MS4A4E: variants seen among roughly 807,000 people sequenced by gnomAD.
The protein encoded by MS4A4E is membrane spanning 4-domains A4E.
A neutral mutation model predicts 13.3 loss-of-function variants in MS4A4E; 23 were observed. The observed-to-expected ratio is 1.73, with a 90% CI of 1.25 to 2.45. The LOEUF is 2.45. Ranked by LOEUF, MS4A4E falls within the 30% of genes most tolerant of loss-of-function variation. The probability of loss-of-function intolerance (pLI) is 0.00; values close to 1 mark genes in which losing one functional copy is unlikely to be tolerated. For synonymous variants in MS4A4E, 36 were observed against 45.6 expected, an observed-to-expected ratio of 0.79 and a Z score of 0.85; for missense variants, 144 against 131.2, an observed-to-expected ratio of 1.10 and a Z score of -0.48.
At chr11:60,210,138 A>T (rs2084101192) in intron 5 of MS4A4E, among the ~76,000 whole-genome samples, 1 of 152,266 alleles carries the variant, frequency 6.6e-6, no homozygotes, top group African/African-American at 2.4e-5. Context: ...ATTATAACAC[A>T]AAAGCAGCAA....
Position 60,214,556 on chromosome 11 carries a change from C to G in MS4A4E, c.222+15G>C. 1 of 1,503,052 alleles carries G rather than the reference C, an allele frequency of 6.7e-7. No homozygotes were observed. Among genetic ancestry groups the G allele is most frequent in the Non-Finnish European group, 8.9e-7 (1 of 1,125,884 alleles). The allele number at this position is 1,503,052 out of a possible 1,614,324, so 93.1% of individuals were successfully genotyped here. On this transcript the variant is annotated intron_variant, in intron 4 of 8. Coordinates refer to ENST00000651255, the MANE Select transcript of MS4A4E (RefSeq NM_001393391.1). Reference sequence around the variant, plus strand: ...AATCCTTTCCTTTTGATACCCCCCACAAAACATTACTCACCAGACCTTTTG... The same window carrying G: ...AATCCTTTCCTTTTGATACCCCCCAGAAAACATTACTCACCAGACCTTTTG...
chr11:60,235,521 C>T (rs934358427), intron 1 of MS4A4E, among the ~76,000 whole-genome samples: 3 of 152,170 alleles, frequency 2.0e-5, no homozygotes, highest in Non-Finnish European at 2.9e-5. Flanking sequence ...TCTTGATTAG[C>T]GACTACTTGT....
chr11:60,217,517 C>T (rs557231696), intron 3 of MS4A4E, among the ~76,000 whole-genome samples: 1 of 152,282 alleles, frequency 6.6e-6, no homozygotes, highest in African/African-American at 2.4e-5. Context: ...AGGAGATAAA[C>T]CCTGCGCTGC....
At chr11:60,201,917 A>G (rs1685180783) in intron 8 of MS4A4E, 38 bp from the exon 9 acceptor site, 1 of 165,668 alleles carries the variant, frequency 6.0e-6, no homozygotes, top group Non-Finnish European at 1.3e-5. Context: ...TCCCAAGTAT[A>G]CTGACTCTAC....
At chr11:60,212,254 TATAAA>T (rs2084131951) in intron 5 of MS4A4E, among the ~76,000 whole-genome samples, 1 of 151,886 alleles carries the variant, frequency 6.6e-6, no homozygotes. Flanking sequence ...AGTTACCACT[TATAAA>T]ATACTGTTCA....
rs545575820 is a variant in MS4A4E, at chr11:60,222,573, G to A, written c.178+6021C>T. On this transcript the variant is annotated intron_variant, in intron 3 of 8. Transcript: ENST00000651255. ...GTTTCTGCTATAGCCAAGATTTGTG[G>A]GTCCAGAAATCAAGGGGTATAAGTG... Among the ~76,000 whole-genome samples the A allele has an allele frequency of 1.6e-4, 25 of 152,152 alleles. 1 individual carries two copies. The South Asian group carries it at 4.8e-3, about 29-fold the overall frequency.
At chr11:60,212,423 C>A (rs2084134394) in intron 5 of MS4A4E, among the ~76,000 whole-genome samples, 1 of 151,780 alleles carries the variant, frequency 6.6e-6, no homozygotes, top group African/African-American at 2.4e-5. Context: ...CATTCTCCTG[C>A]CTCAGCCTCC....
intron 6 of MS4A4E, 89 bp downstream of exon 6, chr11:60,208,504 G>T: frequency 2.4e-6 from 1 of 418,696 alleles, no homozygotes; most frequent in South Asian, 6.7e-5. Context: ...TAATGAATGT[G>T]TACTGTGTTA....
chr11:60,241,276 G>T (rs1213225313), intron 1 of MS4A4E, among the ~76,000 whole-genome samples: 2 of 152,104 alleles, frequency 1.3e-5, no homozygotes, highest in African/African-American at 4.8e-5. Context: ...CACCCACCTG[G>T]GCCTCCCAAA....
intron 5 of MS4A4E, among the ~76,000 whole-genome samples, chr11:60,212,366 G>A (rs1019776297): frequency 1.3e-5 from 2 of 148,992 alleles, no homozygotes; most frequent in Non-Finnish European, 3.0e-5. Flanking sequence ...CCAGACTGCA[G>A]TGGCACTATC....
intron 3 of MS4A4E, among the ~76,000 whole-genome samples, chr11:60,227,406 C>T (rs935921341): frequency 6.6e-6 from 1 of 152,020 alleles, no homozygotes; most frequent in Non-Finnish European, 1.5e-5. Context: ...AAAAAGTTAG[C>T]CAGGCATAGT....
chr11:60,206,489 G>GTATATATATATATATATA (rs373196401), intron 6 of MS4A4E, among the ~76,000 whole-genome samples: 1 of 97,572 alleles, frequency 1.0e-5, no homozygotes, highest in Non-Finnish European at 2.0e-5. Flanking sequence ...ATATATATAT[G>GTATATATATATATATATA]TATATATATA....
chr11:60,213,404 A>T, intron 4 of MS4A4E: 1 of 1,103,946 alleles, frequency 9.1e-7, no homozygotes, highest in South Asian at 1.5e-5. Flanking sequence ...TTAGCTGGAC[A>T]GTCATGTCTG....
intron 4 of MS4A4E, 61 bp from the exon 5 acceptor site, chr11:60,213,193 ATTACT>A: frequency 8.7e-7 from 1 of 1,146,002 alleles, no homozygotes; most frequent in Non-Finnish European, 1.2e-6. Context: ...ATCTCTGTTA[ATTACT>A]TTACACTGCT....
intron 1 of MS4A4E, among the ~76,000 whole-genome samples, chr11:60,239,151 T>A (rs1299333415): frequency 6.6e-6 from 1 of 152,224 alleles, no homozygotes; most frequent in Non-Finnish European, 1.5e-5. Context: ...AGTTCTGGAA[T>A]TAAATTACCC....
intron 1 of MS4A4E, among the ~76,000 whole-genome samples, chr11:60,233,559 C>G (rs1004515154): frequency 1.3e-5 from 2 of 152,226 alleles, no homozygotes; most frequent in Admixed American, 1.3e-4. Context: ...CCTAGGACCT[C>G]AGCTCGCACT....
In MS4A4E at chr11:60,243,134, T is replaced by G. The variant is rs2084571283; in HGVS notation, c.-193A>C. On this transcript the variant is annotated 5_prime_UTR_variant, in exon 1 of 9. Coordinates refer to ENST00000651255, the MANE Select transcript of MS4A4E (RefSeq NM_001393391.1). Reference sequence around the variant, plus strand: ...GAACCTTAAAGGATGTGTTGAGAACTTCTGAGACACACAACTAGTTCCTCT... The same window carrying G: ...GAACCTTAAAGGATGTGTTGAGAACGTCTGAGACACACAACTAGTTCCTCT... 1 of 461,870 alleles carries G rather than the reference T, an allele frequency of 2.2e-6. No homozygotes were observed. Among genetic ancestry groups the G allele is most frequent in the East Asian group, 3.4e-5 (1 of 29,182 alleles). 28.6% of individuals were successfully genotyped at this position (461,870 alleles called of 1,614,324 possible). A position where few individuals can be genotyped will look rare whatever the true frequency, so the allele number is the denominator to read the frequency against.
At chr11:60,221,040 C>G (rs1319734315) in intron 3 of MS4A4E, among the ~76,000 whole-genome samples, 1 of 152,134 alleles carries the variant, frequency 6.6e-6, no homozygotes, top group Admixed American at 6.5e-5. Context: ...TGTTAGGAGC[C>G]TTTGGAAGTC....
intron 1 of MS4A4E, among the ~76,000 whole-genome samples, chr11:60,242,020 G>C (rs866885732): frequency 6.6e-6 from 1 of 152,186 alleles, no homozygotes; most frequent in Non-Finnish European, 1.5e-5. Flanking sequence ...CAACACAAGA[G>C]AGCATGAGGA....
Sources: allele counts gnomAD v4.1 joint callset (sites outside exome capture counted in the v4.1 genomes callset), GRCh38; gene constraint gnomAD v4.1.1; transcripts MANE v1.5; gene names NCBI Gene and HGNC (gene_info 2026-07-23, HGNC 2026-07-21).